SKAP1: variants seen among roughly 807,000 people sequenced by gnomAD.
SKAP1 encodes src kinase-associated phosphoprotein 1.
Under a neutral mutation model 58.5 loss-of-function variants are expected in SKAP1, and 44 were observed. That is an observed-to-expected ratio of 0.75 (90% CI 0.59 to 0.97). SKAP1 has a LOEUF of 0.97. Ranked by LOEUF, SKAP1 falls within the 50% of genes least tolerant of loss-of-function variation. SKAP1 has a pLI of 0.00. For missense variants in SKAP1, 390 were observed against 435.2 expected (o/e 0.90, Z 0.92); for synonymous variants, 127 against 149.7 (o/e 0.85, Z 1.11).
intron 11 of SKAP1, among the ~76,000 whole-genome samples, chr17:48,138,601 C>T (rs1168674302): frequency 6.6e-6 from 1 of 151,966 alleles, no homozygotes; most frequent in African/African-American, 2.4e-5. Context: ...AACTTCTGAC[C>T]CCAGATGATC....
chr17:48,273,202 C>T (rs1370727689), intron 4 of SKAP1, among the ~76,000 whole-genome samples: 1 of 152,188 alleles, frequency 6.6e-6, no homozygotes, highest in Non-Finnish European at 1.5e-5. Flanking sequence ...ATCTATTACA[C>T]TCCTGCAATT....
intron 1 of SKAP1, among the ~76,000 whole-genome samples, chr17:48,409,415 AG>A (rs1453684138): frequency 1.3e-5 from 2 of 152,210 alleles, no homozygotes; most frequent in Non-Finnish European, 1.5e-5. Flanking sequence ...CTACAATCCC[AG>A]CACTTTGGGA....
intron 4 of SKAP1, among the ~76,000 whole-genome samples, chr17:48,203,428 T>C: frequency 6.6e-6 from 1 of 152,200 alleles, no homozygotes. Flanking sequence ...GCTGTATAAG[T>C]TTATTTAAAA....
the SKAP1 span, among the ~76,000 whole-genome samples, chr17:48,441,141 A>C: frequency 6.6e-6 from 1 of 152,224 alleles, no homozygotes; most frequent in African/African-American, 2.4e-5. Context: ...AACAAACAAA[A>C]AAAGATTTGG....
At chr17:48,142,404 G>A (rs932290747) in intron 11 of SKAP1, among the ~76,000 whole-genome samples, 4 of 152,190 alleles carry the variant, frequency 2.6e-5, no homozygotes, top group African/African-American at 9.7e-5. Flanking sequence ...GGAGGTTGCG[G>A]TGAGCCAAGA....
intron 9 of SKAP1, among the ~76,000 whole-genome samples, chr17:48,179,455 A>C (rs1480583326): frequency 6.6e-6 from 1 of 152,210 alleles, no homozygotes; most frequent in Non-Finnish European, 1.5e-5. Context: ...CTTTGGAAGA[A>C]AGGAAATATA....
chr17:48,135,164 T>G (rs935925152), intron 12 of SKAP1, among the ~76,000 whole-genome samples: 1 of 152,238 alleles, frequency 6.6e-6, no homozygotes, highest in Non-Finnish European at 1.5e-5. Context: ...TCTATCCTTA[T>G]GTATTTTCCT....
intron 6 of SKAP1, chr17:48,185,148 G>A: frequency 7.4e-6 from 2 of 269,530 alleles, no homozygotes; most frequent in Non-Finnish European, 1.4e-5. Context: ...AATTATTACA[G>A]CAGAGAGAGT....
At chr17:48,416,100 A>G (rs561365188) in intron 1 of SKAP1, among the ~76,000 whole-genome samples, 1 of 152,354 alleles carries the variant, frequency 6.6e-6, no homozygotes, top group Admixed American at 6.5e-5. Flanking sequence ...TTCTATAAGA[A>G]AATATCTAAG....
In SKAP1 at chr17:48,402,333, A is replaced by ATTT. The variant is rs71366872; in HGVS notation, c.47-5551_47-5549dup. ...ACTTTACACAAATATTCATAGCAGC[A>ATTT]TTTTTTTTTTTTTTGAGACAGAGTC... On this transcript the variant is annotated intron_variant, in intron 1 of 12. Transcript: ENST00000336915. Among the ~76,000 whole-genome samples, 212 of 146,994 alleles carry ATTT rather than the reference A, an allele frequency of 1.4e-3. 3 individuals are homozygous for ATTT. Among genetic ancestry groups the ATTT allele is most frequent in the South Asian group, 9.4e-3 (43 of 4,580 alleles).
chr17:48,362,872 A>C (rs1229233244), intron 3 of SKAP1, among the ~76,000 whole-genome samples: 3 of 152,220 alleles, frequency 2.0e-5, no homozygotes, highest in Admixed American at 6.5e-5. Flanking sequence ...AAAGTACTTA[A>C]AAAGTTTACA....
chr17:48,439,306 A>G, the SKAP1 span, among the ~76,000 whole-genome samples: 6 of 152,202 alleles, frequency 3.9e-5, no homozygotes, highest in Non-Finnish European at 5.9e-5. Context: ...GTTGCATCAC[A>G]TCACTGAGGC....
At chr17:48,295,772 T>C (rs1375786784) in intron 4 of SKAP1, among the ~76,000 whole-genome samples, 1 of 152,054 alleles carries the variant, frequency 6.6e-6, no homozygotes, top group Non-Finnish European at 1.5e-5. Flanking sequence ...GATCCACCTG[T>C]AGAATTATAC....
intron 4 of SKAP1, among the ~76,000 whole-genome samples, chr17:48,243,456 T>C (rs2065262641): frequency 6.6e-6 from 1 of 152,196 alleles, no homozygotes; most frequent in African/African-American, 2.4e-5. Context: ...AAACAGTTCA[T>C]CTTTTGGAAA....
At chr17:48,294,917 C>T (rs1433592803) in intron 4 of SKAP1, among the ~76,000 whole-genome samples, 2 of 152,138 alleles carry the variant, frequency 1.3e-5, no homozygotes, top group Non-Finnish European at 2.9e-5. Flanking sequence ...CATGGCTCAT[C>T]TGACACATGG....
At chr17:48,413,869 G>T (rs912066533) in intron 1 of SKAP1, among the ~76,000 whole-genome samples, 2 of 151,974 alleles carry the variant, frequency 1.3e-5, no homozygotes, top group Non-Finnish European at 2.9e-5. Context: ...TTCTAACATC[G>T]CAGCATTCAC....
chr17:48,165,996 A>G (rs1215775553), intron 10 of SKAP1, among the ~76,000 whole-genome samples: 1 of 152,232 alleles, frequency 6.6e-6, no homozygotes, highest in Non-Finnish European at 1.5e-5. Context: ...TCTGCACTAA[A>G]TAAAGCCTGG....
intron 11 of SKAP1, among the ~76,000 whole-genome samples, chr17:48,141,550 T>C (rs1226174128): frequency 6.6e-6 from 1 of 152,000 alleles, no homozygotes; most frequent in East Asian, 1.9e-4. Flanking sequence ...CTGATTTTTG[T>C]ATTTTTAGTA....
chr17:48,305,360 G>C (rs1040678510), intron 4 of SKAP1, among the ~76,000 whole-genome samples: 2 of 152,090 alleles, frequency 1.3e-5, no homozygotes, highest in African/African-American at 4.8e-5. Context: ...TATAATAAAA[G>C]TTTTAATGGA....
Sources: allele counts gnomAD v4.1 joint callset (sites outside exome capture counted in the v4.1 genomes callset), GRCh38; gene constraint gnomAD v4.1.1; transcripts MANE v1.5; gene names NCBI Gene and HGNC (gene_info 2026-07-23, HGNC 2026-07-21).